Variants in PRELID2 observed in about 807,000 individuals in gnomAD.
PRELID2 encodes the protein PRELI domain containing 2.
In PRELID2, 25 loss-of-function variants were observed where a neutral mutation model predicts 28.4. That is an observed-to-expected ratio of 0.88 (90% CI 0.64 to 1.23). The LOEUF (loss-of-function observed/expected upper bound fraction) is 1.23. Ranked by LOEUF, PRELID2 falls within the 50% of genes most tolerant of loss-of-function variation. The pLI, the probability that PRELID2 is intolerant of heterozygous loss-of-function variation, is 0.00. For missense variants in PRELID2, 201 were observed against 214.4 expected (o/e 0.94, Z 0.39); for synonymous variants, 76 against 71.6 (o/e 1.06, Z -0.31).
chr5:145,599,439 ATTC>A (rs1216241650), intron 1 of PRELID2, among the ~76,000 whole-genome samples: 1 of 152,084 alleles, frequency 6.6e-6, no homozygotes, highest in Non-Finnish European at 1.5e-5. Context: ...GTTTCTTCTC[ATTC>A]TTCTTTCTTA....
At chr5:145,750,878 G>A (rs1369030885) in intron 1 of PRELID2, among the ~76,000 whole-genome samples, 2 of 152,108 alleles carry the variant, frequency 1.3e-5, no homozygotes, top group Non-Finnish European at 2.9e-5. Context: ...TTTTTCCATT[G>A]TGTTTGTTAC....
intron 1 of PRELID2, among the ~76,000 whole-genome samples, chr5:145,826,597 T>C (rs1194347239): frequency 3.9e-5 from 6 of 152,226 alleles, no homozygotes; most frequent in Non-Finnish European, 2.9e-5. Flanking sequence ...TACCACTGTA[T>C]ATATCATATG....
At chr5:145,828,332 TGAA>T (rs137861040) in intron 1 of PRELID2, among the ~76,000 whole-genome samples, 1 of 152,358 alleles carries the variant, frequency 6.6e-6, no homozygotes, top group Non-Finnish European at 1.5e-5. Context: ...TCAACACTTT[TGAA>T]GACTTAAAAA....
chr5:145,505,746 C>T (rs1418453469), intron 1 of PRELID2, among the ~76,000 whole-genome samples: 1 of 152,120 alleles, frequency 6.6e-6, no homozygotes, highest in African/African-American at 2.4e-5. Context: ...TGTGGAAAAG[C>T]ATAAATTCCC....
chr5:145,616,438 T>G (rs1354135518), intron 1 of PRELID2, among the ~76,000 whole-genome samples: 2 of 152,186 alleles, frequency 1.3e-5, no homozygotes. Context: ...ACCCCCGATA[T>G]TTCACGTAGG....
At chr5:145,449,537 A>AT in the PRELID2 span, among the ~76,000 whole-genome samples, 1 of 152,100 alleles carries the variant, frequency 6.6e-6, no homozygotes, top group Non-Finnish European at 1.5e-5. Flanking sequence ...ATATGGGTAC[A>AT]TAACAGGGGT....
chr5:145,551,468 T>C (rs1226219260), intron 1 of PRELID2, among the ~76,000 whole-genome samples: 2 of 152,196 alleles, frequency 1.3e-5, no homozygotes, highest in East Asian at 3.9e-4. Flanking sequence ...AGAAAAACTC[T>C]CTAACAACTC....
the PRELID2 span, among the ~76,000 whole-genome samples, chr5:145,402,774 GT>G: frequency 1.3e-5 from 2 of 152,154 alleles, no homozygotes; most frequent in Non-Finnish European, 2.9e-5. Context: ...ATGCCTGATA[GT>G]GAGGATCACA....
chr5:145,242,370 G>C, the PRELID2 span, among the ~76,000 whole-genome samples: 1 of 151,920 alleles, frequency 6.6e-6, no homozygotes, highest in African/African-American at 2.4e-5. Context: ...TCTAAATATA[G>C]AGTTAAATGG....
intron 1 of PRELID2, among the ~76,000 whole-genome samples, chr5:145,505,973 T>TG (rs1366004324): frequency 3.3e-5 from 5 of 152,150 alleles, no homozygotes; most frequent in African/African-American, 1.2e-4. Flanking sequence ...AATAGAATGG[T>TG]GGTTTCCAGG....
At chr5:145,683,880 G>A (rs1057305440) in intron 1 of PRELID2, among the ~76,000 whole-genome samples, 3 of 152,120 alleles carry the variant, frequency 2.0e-5, no homozygotes, top group Non-Finnish European at 4.4e-5. Flanking sequence ...AGAGTGCACT[G>A]ATGCACATTG....
chr5:145,765,032 C>T, intron 5 of PRELID2, 32 bp from the exon 6 acceptor site: 3 of 1,448,168 alleles, frequency 2.1e-6, no homozygotes, highest in Non-Finnish European at 2.9e-6. Flanking sequence ...ATTAAAATGC[C>T]CTATTTCACA....
At chr5:145,743,136 C>T (rs868262124) in intron 1 of PRELID2, among the ~76,000 whole-genome samples, 8 of 151,946 alleles carry the variant, frequency 5.3e-5, no homozygotes, top group East Asian at 1.9e-4. Context: ...TGGCCGGGCG[C>T]GGTGGCTCAC....
At chr5:145,772,369 C>G (rs553630386) in intron 5 of PRELID2, among the ~76,000 whole-genome samples, 46 of 152,114 alleles carry the variant, frequency 3.0e-4, no homozygotes, top group Non-Finnish European at 2.6e-4. Flanking sequence ...GTGAAAACCC[C>G]CGACACACTG....
intron 1 of PRELID2, among the ~76,000 whole-genome samples, chr5:145,746,428 CAAAG>C (rs1346207013): frequency 2.0e-5 from 3 of 152,030 alleles, no homozygotes; most frequent in Admixed American, 6.6e-5. Context: ...TCAAAAGAGA[CAAAG>C]AAGGGCATTA....
the PRELID2 span, among the ~76,000 whole-genome samples, chr5:145,344,628 A>G: frequency 6.6e-6 from 1 of 152,086 alleles, no homozygotes; most frequent in African/African-American, 2.4e-5. Flanking sequence ...AACTGTATAC[A>G]TAATGTAAAA....
At chr5:145,785,547 GCTGT>G (rs1751940105) in intron 5 of PRELID2, among the ~76,000 whole-genome samples, 1 of 152,278 alleles carries the variant, frequency 6.6e-6, no homozygotes, top group Admixed American at 6.5e-5. Flanking sequence ...CATGCCAGAG[GCTGT>G]CTGTGAGCAT....
intron 1 of PRELID2, among the ~76,000 whole-genome samples, chr5:145,561,308 C>A (rs1752923644): frequency 6.6e-6 from 1 of 152,102 alleles, no homozygotes; most frequent in Admixed American, 6.5e-5. Context: ...GCACTTTTTT[C>A]TTCCTTTTTT....
chr5:145,269,529 GCT>G, the PRELID2 span, among the ~76,000 whole-genome samples: 1 of 151,766 alleles, frequency 6.6e-6, no homozygotes, highest in Non-Finnish European at 1.5e-5. Flanking sequence ...AAACTATAAA[GCT>G]TCTAGAAGAA....
Sources: allele counts gnomAD v4.1 joint callset (sites outside exome capture counted in the v4.1 genomes callset), GRCh38; gene constraint gnomAD v4.1.1; transcripts MANE v1.5; gene names NCBI Gene and HGNC (gene_info 2026-07-23, HGNC 2026-07-21).